The following KANSL1 variants were observed in gnomAD, a reference collection of about 807,000 sequenced individuals.
KANSL1 encodes the protein MLL1/MLL complex subunit KANSL1.
In KANSL1, 22 loss-of-function variants were observed where a neutral mutation model predicts 103.6. The observed-to-expected ratio is 0.21, with a 90% CI of 0.15 to 0.30. The LOEUF is 0.30. KANSL1 is among the 10% of genes least tolerant of loss of function. The probability of loss-of-function intolerance (pLI) is 1.00; values close to 1 mark genes in which losing one functional copy is unlikely to be tolerated. For missense variants in KANSL1, 1,337 were observed against 1,399.8 expected (o/e 0.96, Z 0.72); for synonymous variants, 600 against 527.6 (o/e 1.14, Z -1.88).
Position 46,030,313 on chromosome 17 carries a change from G to C in KANSL1, c.*1163C>G, listed in dbSNP as rs1281732907. 1 of 151,546 alleles carries C rather than the reference G, an allele frequency of 6.6e-6. No homozygotes were observed. The highest frequency in any genetic ancestry group is 6.6e-5 in the Admixed American group (1 of 15,226). The allele number at this position is 151,546 out of a possible 1,614,324, so 9.4% of individuals were successfully genotyped here. ...AAAAAAATCACTAATGTTGAAAATTGTGAAAAAACCCCAACCATTAAGCAG... is the reference window on the plus strand; with the variant it reads ...AAAAAAATCACTAATGTTGAAAATTCTGAAAAAACCCCAACCATTAAGCAG... On this transcript the variant is annotated 3_prime_UTR_variant, in exon 15 of 15. Transcript: ENST00000432791.
intron 2 of KANSL1, among the ~76,000 whole-genome samples, chr17:46,116,084 T>A (rs1271644250): frequency 6.6e-6 from 1 of 152,242 alleles, no homozygotes; most frequent in Non-Finnish European, 1.5e-5. Context: ...ATAAGTCAAC[T>A]GACCTGAAAA....
At chr17:46,176,750 C>T (rs1904509824) in intron 1 of KANSL1, among the ~76,000 whole-genome samples, 1 of 151,756 alleles carries the variant, frequency 6.6e-6, no homozygotes, top group South Asian at 2.1e-4. Flanking sequence ...TGTCTATGAA[C>T]TTGACATTAA....
Position 46,105,947 on chromosome 17 carries a change from A to C in KANSL1, c.1290-11246T>G, listed in dbSNP as rs200598898. Among the ~76,000 whole-genome samples the C allele has an allele frequency of 4.3e-3, 247 of 57,852 alleles. 1 individual carries two copies. The highest frequency in any genetic ancestry group is 0.013 in the African/African-American group (200 of 15,230). The allele number at this position is 57,852 out of a possible 152,430, so 38.0% of individuals were successfully genotyped here. On this transcript the variant is annotated intron_variant, in intron 2 of 14. Coordinates refer to ENST00000432791, the MANE Select transcript of KANSL1 (RefSeq NM_015443.4). ...CACACACACACACACACACACACAC[A>C]CCCCCCCAGAAGGGTGAAGGAGCAG...
intron 2 of KANSL1, among the ~76,000 whole-genome samples, chr17:46,097,338 CTGTA>C (rs2042129604): frequency 6.6e-6 from 1 of 152,238 alleles, no homozygotes. Context: ...AATTTATTTA[CTGTA>C]TGTATCAACA....
At chr17:46,194,228 G>A (rs1349640861), upstream of KANSL1, among the ~76,000 whole-genome samples, 1 of 152,292 alleles carries the variant, frequency 6.6e-6, no homozygotes, top group Non-Finnish European at 1.5e-5. Context: ...GGGTGTCATG[G>A]CTTGGCAGAT....
intron 2 of KANSL1, among the ~76,000 whole-genome samples, chr17:46,137,155 A>C (rs2044188290): frequency 6.6e-6 from 1 of 152,174 alleles, no homozygotes; most frequent in African/African-American, 2.4e-5. Context: ...ATTCACACTT[A>C]TTCCCCTGAC....
At chr17:46,107,002 T>C (rs2042594640) in intron 2 of KANSL1, among the ~76,000 whole-genome samples, 1 of 152,076 alleles carries the variant, frequency 6.6e-6, no homozygotes, top group South Asian at 2.1e-4. Flanking sequence ...GAAGGCAAAC[T>C]AGTTAAAGGC....
In KANSL1 at chr17:46,050,696, C is replaced by G. The variant is rs191986791; in HGVS notation, c.1857G>C (p.Arg619=). 1.2e-4 allele frequency: 197 copies of G among 1,607,388 alleles called. 1 individual carries two copies. Among genetic ancestry groups the G allele is most frequent in the Non-Finnish European group, 1.6e-4 (191 of 1,175,338 alleles). ...SIVPLSKKVH[R]NSTIRPGCDV... ...CACAGCCAGGGCGGATTGTGCTGTTCCGGTGAACCTGTGAAAAAAGCCAAA... is the reference window on the plus strand; with the variant it reads ...CACAGCCAGGGCGGATTGTGCTGTTGCGGTGAACCTGTGAAAAAAGCCAAA... Residue 619 remains arginine, a synonymous_variant, in exon 7 of 15, where the codon CGG becomes CGC. Transcript: ENST00000432791.
chr17:46,168,375 G>C (rs1318971866), intron 2 of KANSL1, among the ~76,000 whole-genome samples: 1 of 151,028 alleles, frequency 6.6e-6, no homozygotes, highest in Non-Finnish European at 1.5e-5. Context: ...TTGAGACGGA[G>C]TTTCGCTCGT....
chr17:46,216,613 A>T (rs1405477157), intron 1 of KANSL1, among the ~76,000 whole-genome samples: 1 of 152,146 alleles, frequency 6.6e-6, no homozygotes, highest in African/African-American at 2.4e-5. Context: ...AAAAAAAAAA[A>T]AAAGTTTCAA....
intron 1 of KANSL1, among the ~76,000 whole-genome samples, chr17:46,178,012 C>T (rs562717397): frequency 2.0e-5 from 3 of 152,122 alleles, no homozygotes; most frequent in Non-Finnish European, 2.9e-5. Context: ...CTCCTGACCT[C>T]GTGATCTGCC....
chr17:46,192,109 T>C (rs1382353461), intron 1 of KANSL1, among the ~76,000 whole-genome samples: 1 of 152,348 alleles, frequency 6.6e-6, no homozygotes, highest in African/African-American at 2.4e-5. Context: ...AGTAGCACGT[T>C]TCTCTATAAA....
intron 4 of KANSL1, among the ~76,000 whole-genome samples, chr17:46,077,981 T>C (rs892123246): frequency 2.0e-5 from 3 of 152,222 alleles, no homozygotes; most frequent in Non-Finnish European, 4.4e-5. Context: ...CTCATGTTTA[T>C]TCATATGTAT....
rs1411153399 is a variant in KANSL1 at position 46,038,617 on chromosome 17, G to A, written c.2462C>T (p.Pro821Leu). ...GGAGGTGGAGAGCTGTCGCACCAAGGGACTGTGTGGAGGATGGTGGGTGGC... is the reference window on the plus strand; with the variant it reads ...GGAGGTGGAGAGCTGTCGCACCAAGAGACTGTGTGGAGGATGGTGGGTGGC... ...LAATHHPPHS[P>L]LVRQLSTSSD... is the part of the protein sequence containing the mutation. The change falls in exon 10 of 15, where the codon CCC becomes CTC. Residue 821 changes from proline (P) to leucine (L), a missense_variant. Pro to Leu is a moderately conservative substitution (Grantham distance 98). Transcript: ENST00000432791. The A allele has an allele frequency of 6.2e-7, 1 of 1,614,152 alleles. No homozygotes were observed.
upstream of KANSL1, among the ~76,000 whole-genome samples, chr17:46,224,026 G>A (rs574606301): frequency 4.6e-3 from 696 of 151,866 alleles, 16 homozygotes; most frequent in Non-Finnish European, 1.4e-3. Context: ...ACGTATTTTA[G>A]ATAATGTAAA....
At chr17:46,205,329 T>C (rs1369982038) in intron 1 of KANSL1, among the ~76,000 whole-genome samples, 3 of 151,736 alleles carry the variant, frequency 2.0e-5, no homozygotes, top group Non-Finnish European at 4.4e-5. Flanking sequence ...CAATAAGCAA[T>C]CTGAACATGA....
upstream of KANSL1, chr17:46,193,531 G>T (rs1365893724): frequency 8.8e-5 from 13 of 147,668 alleles, no homozygotes; most frequent in Admixed American, 4.0e-4. Flanking sequence ...CTCCACCCCG[G>T]CGCGCCGCCA....
At chr17:46,032,952 G>T in intron 13 of KANSL1, 128 bp downstream of exon 13, 2 of 672,430 alleles carry the variant, frequency 3.0e-6, no homozygotes, top group Admixed American at 6.1e-5. Context: ...TGAGCTATTT[G>T]CCACTGCCAG....
chr17:46,084,494 C>T (rs62060855), intron 3 of KANSL1, among the ~76,000 whole-genome samples: 21,671 of 151,472 alleles, frequency 0.14, 2,083 homozygotes, highest in Non-Finnish European at 0.22. Flanking sequence ...CCAGCCTGGC[C>T]GACACAGTGA....
Sources: allele counts gnomAD v4.1 joint callset (sites outside exome capture counted in the v4.1 genomes callset), GRCh38; gene constraint gnomAD v4.1.1; transcripts MANE v1.5; gene names NCBI Gene and HGNC (gene_info 2026-07-23, HGNC 2026-07-21).